The following VCAM1 variants were observed in gnomAD, a reference collection of about 807,000 sequenced individuals.
VCAM1 encodes vascular cell adhesion protein 1.
A neutral mutation model predicts 63.8 loss-of-function variants in VCAM1; 41 were observed. The ratio of observed to expected loss-of-function variants is 0.64; its 90% CI spans 0.50 to 0.83. VCAM1 has a LOEUF of 0.83. Among genes scored for constraint, VCAM1 ranks in the 40% least tolerant of loss-of-function variants. The probability of loss-of-function intolerance (pLI) is 0.00; values close to 1 mark genes in which losing one functional copy is unlikely to be tolerated. For missense variants in VCAM1, 798 were observed against 875.5 expected (o/e 0.91, Z 1.12); for synonymous variants, 338 against 320.7 (o/e 1.05, Z -0.58).
intron 1 of VCAM1, 106 bp from the exon 2 acceptor site, chr1:100,720,370 G>A: frequency 7.0e-7 from 1 of 1,428,192 alleles, no homozygotes; most frequent in East Asian, 2.3e-5. Context: ...AGCAGCTTAG[G>A]AAAGAGATCA....
chr1:100,725,449 C>A (rs1660128770), intron 4 of VCAM1, among the ~76,000 whole-genome samples: 1 of 151,986 alleles, frequency 6.6e-6, no homozygotes, highest in South Asian at 2.1e-4. Flanking sequence ...TTTCCATATG[C>A]CATCCTCAAG....
chr1:100,734,938 G>A (rs963511375), intron 8 of VCAM1, among the ~76,000 whole-genome samples, 170 bp downstream of exon 8: 3 of 152,142 alleles, frequency 2.0e-5, no homozygotes, highest in African/African-American at 2.4e-5. Context: ...AGTTTAGCCA[G>A]GAAGTTGACA....
Position 100,731,517 on chromosome 1 carries a change from T to TG in VCAM1, c.1525+1dup. 6.2e-7 allele frequency: 1 copy of TG among 1,611,736 alleles called. No individual in the cohort carries two copies. The highest frequency in any genetic ancestry group is 1.3e-5 in the African/African-American group (1 of 74,908). ...AGAGTACGCAAACACTTTATGTCAA[T>TG]GGTAAGTACATATGTGAGGTATCTA... is the stretch of plus-strand genomic sequence containing the variant. On this transcript the variant is annotated frameshift_variant and splice_region_variant, in exon 6 of 9. Coordinates refer to ENST00000294728, the MANE Select transcript of VCAM1 (RefSeq NM_001078.4). LOFTEE classifies it high-confidence loss of function. The surrounding 1 kb of genome is among the most constrained non-coding windows in gnomAD (Gnocchi z 4.2).
At chr1:100,725,819 T>TTACAATGTGATGTTTGGTATAGGTA (rs1240113188) in intron 4 of VCAM1, among the ~76,000 whole-genome samples, 10 of 152,198 alleles carry the variant, frequency 6.6e-5, no homozygotes, top group Middle Eastern at 3.4e-3. Flanking sequence ...CATTTATAGA[T>TTACAATGTGATGTTTGGTATAGGTA]TACAATGTGA....
At chr1:100,725,170 A>G (rs1321357137) in intron 4 of VCAM1, among the ~76,000 whole-genome samples, 1 of 150,702 alleles carries the variant, frequency 6.6e-6, no homozygotes, top group African/African-American at 2.4e-5. Flanking sequence ...CCCCTTGGAT[A>G]TTGGTATTTT....
At chr1:100,732,770 A>G in intron 7 of VCAM1, 86 bp downstream of exon 7, 1 of 1,398,592 alleles carries the variant, frequency 7.2e-7, no homozygotes, top group East Asian at 2.5e-5. Flanking sequence ...TTGAAAACAA[A>G]ATTTTTACTA....
chr1:100,730,018 C>T (rs1660378999), intron 5 of VCAM1, among the ~76,000 whole-genome samples: 1 of 152,106 alleles, frequency 6.6e-6, no homozygotes, highest in Non-Finnish European at 1.5e-5. Flanking sequence ...TCTCTATGAA[C>T]TTGACATTGC....
intron 3 of VCAM1, among the ~76,000 whole-genome samples, chr1:100,723,779 A>G (rs1234011709): frequency 2.6e-5 from 4 of 152,048 alleles, no homozygotes; most frequent in African/African-American, 9.7e-5. Flanking sequence ...GTGTGTATGC[A>G]TATGCACATA....
chr1:100,731,731 T>A lies in VCAM1; in HGVS notation c.1525+213T>A, dbSNP rs551549966. ...GCTTATGATGCTTTGAGTAGGCAAT[T>A]TAGGAAGGGACCAGCTAGGCAGTTA... On this transcript the variant is annotated intron_variant, in intron 6 of 8. Coordinates refer to ENST00000294728, the MANE Select transcript of VCAM1 (RefSeq NM_001078.4). This position sits in a 1 kb window ranked among gnomAD's most constrained non-coding sequence, Gnocchi z 4.2. Among the ~76,000 whole-genome samples, 1 of 152,218 alleles carries A rather than the reference T, an allele frequency of 6.6e-6. No homozygotes were observed. Among genetic ancestry groups the A allele is most frequent in the East Asian group, 1.9e-4 (1 of 5,166 alleles).
At position 100,731,455 on chromosome 1, in the gene VCAM1, C is replaced by T; in HGVS notation, c.1462C>T (p.His488Tyr). ...GKALVCQAKLHIDDMEFEPKQ... is the reference protein window; with the variant it reads ...GKALVCQAKLYIDDMEFEPKQ... Reference sequence around the variant, plus strand: ...AGCTCTTGTTTGTCAGGCTAAGTTACATATTGATGACATGGAATTCGAACC... The same window carrying T: ...AGCTCTTGTTTGTCAGGCTAAGTTATATATTGATGACATGGAATTCGAACC... Residue 488 changes from histidine (H) to tyrosine (Y), a missense_variant, in exon 6 of 9, where the codon CAT becomes TAT. His to Tyr is a moderately conservative substitution (Grantham distance 83, BLOSUM62 2). Transcript: ENST00000294728. This position sits in a 1 kb window ranked among gnomAD's most constrained non-coding sequence, Gnocchi z 4.2. The T allele has an allele frequency of 6.2e-7, 1 of 1,613,682 alleles. No individual in the cohort carries two copies. The highest frequency in any genetic ancestry group is 8.5e-7 in the Non-Finnish European group (1 of 1,179,818).
At position 100,732,527 on chromosome 1, in the gene VCAM1, G is replaced by A. The variant is rs1660498665; in HGVS notation, c.1635G>A (p.Leu545=). The part of the protein sequence containing the change: ...LSQGFPAPKI[L]WSRQLPNGEL... ...AGGGCTTTCCTGCTCCGAAAATCCT[G>A]TGGAGCAGGCAGCTCCCTAACGGGG... The change falls in exon 7 of 9, where the codon CTG becomes CTA. Residue 545 remains leucine, a synonymous_variant. Transcript: ENST00000294728. The A allele has an allele frequency of 6.2e-7, 1 of 1,612,838 alleles. No individual in the cohort carries two copies. Among genetic ancestry groups the A allele is most frequent in the African/African-American group, 1.3e-5 (1 of 74,848 alleles).
intron 8 of VCAM1, chr1:100,737,893 G>T: frequency 3.0e-6 from 1 of 332,650 alleles, no homozygotes; most frequent in Non-Finnish European, 5.5e-6. Flanking sequence ...CAAGTTTGTG[G>T]AAGCCAACAA....
chr1:100,727,043 CTGTGTGTGTGTGTGTG>C (rs57979614), intron 4 of VCAM1, among the ~76,000 whole-genome samples: 2 of 147,702 alleles, frequency 1.4e-5, no homozygotes, highest in Non-Finnish European at 1.5e-5. Context: ...ATCAGGAATT[CTGTGTGTGTGTGTGTG>C]TGTGTGTGTG....
At position 100,724,636 on chromosome 1, in the gene VCAM1, A is replaced by G; in HGVS notation, c.674A>G (p.Asn225Ser). Reference sequence around the variant, plus strand: ...TTTGCCCTTTCAGTATCACCCAAGAATACAGTTATTTCTGTGAATCCATCC... The same window carrying G: ...TTTGCCCTTTCAGTATCACCCAAGAGTACAGTTATTTCTGTGAATCCATCC... ...KELQVYISPKNTVISVNPSTK... is the reference protein window; with the variant it reads ...KELQVYISPKSTVISVNPSTK... Residue 225 changes from asparagine to serine, a missense_variant, in exon 4 of 9, where the codon AAT (asparagine) becomes AGT (serine). Transcript: ENST00000294728. 6.2e-7 allele frequency: 1 copy of G among 1,612,636 alleles called. No homozygotes were observed. Among genetic ancestry groups the G allele is most frequent in the Non-Finnish European group, 8.5e-7 (1 of 1,179,110 alleles).
intron 7 of VCAM1, among the ~76,000 whole-genome samples, chr1:100,733,577 T>C (rs1660542277): frequency 2.0e-5 from 3 of 152,310 alleles, no homozygotes; most frequent in African/African-American, 7.2e-5. Flanking sequence ...TCAAATCAAC[T>C]TACAAAATAG....
In VCAM1 at chr1:100,723,120, G is replaced by T; in HGVS notation, c.441G>T (p.Arg147Ser). The change falls in exon 3 of 9, where the codon AGG (arginine) becomes AGT (serine). Residue 147 changes from arginine (R) to serine (S), a missense_variant. Arg to Ser is a moderately radical substitution (Grantham distance 110). Transcript: ENST00000294728. ...TTGCTGATGTATACCCATTTGACAG[G>T]CTGGAGATAGACTTACTGAAAGGAG... Reference protein sequence around the residue: ...CSVADVYPFDRLEIDLLKGDH... With the variant: ...CSVADVYPFDSLEIDLLKGDH... 2 of 1,613,068 alleles carry T rather than the reference G, an allele frequency of 1.2e-6. No individual in the cohort carries two copies. The highest frequency in any genetic ancestry group is 1.1e-5 in the South Asian group (1 of 91,056).
At chr1:100,723,624 A>T (rs1187360108) in intron 3 of VCAM1, among the ~76,000 whole-genome samples, 1 of 151,996 alleles carries the variant, frequency 6.6e-6, no homozygotes, top group East Asian at 1.9e-4. Flanking sequence ...TAGTAATACC[A>T]CCTGATTGGG....
At chr1:100,723,759 GTA>G (rs945507853) in intron 3 of VCAM1, among the ~76,000 whole-genome samples, 4 of 152,046 alleles carry the variant, frequency 2.6e-5, no homozygotes, top group South Asian at 2.1e-4. Context: ...TTCTGTGTGT[GTA>G]TGTGTGTGTG....
chr1:100,732,335 T>G (rs930096303), intron 6 of VCAM1, 83 bp from the exon 7 acceptor site: 6 of 1,401,264 alleles, frequency 4.3e-6, no homozygotes, highest in Non-Finnish European at 5.7e-6. Flanking sequence ...GCTGAATCCA[T>G]AGCCCAGTTT....
Sources: gnomAD v4.1 joint callset for allele counts (sites outside exome capture counted in the v4.1 genomes callset) on GRCh38, gnomAD v4.1.1 for gene constraint, Gnocchi (gnomAD v3.1) non-coding constraint, MANE v1.5 for transcripts, NCBI Gene and HGNC (gene_info 2026-07-23, HGNC 2026-07-21) for gene names.